FAM98B: variants seen among roughly 807,000 people sequenced by gnomAD.
The protein encoded by FAM98B is tRNA-splicing ligase complex subunit FAM98B.
A neutral mutation model predicts 43.9 loss-of-function variants in FAM98B; 32 were observed. The ratio of observed to expected loss-of-function variants is 0.73; its 90% CI spans 0.55 to 0.98. The LOEUF (loss-of-function observed/expected upper bound fraction) is 0.98. Ranked by LOEUF, FAM98B falls within the 50% of genes least tolerant of loss-of-function variation. The probability of loss-of-function intolerance (pLI) is 0.00; values close to 1 mark genes in which losing one functional copy is unlikely to be tolerated. For synonymous variants in FAM98B, 190 were observed against 174.0 expected (o/e 1.09, Z -0.72); for missense variants, 514 against 522.9 (o/e 0.98, Z 0.17).
intron 1 of FAM98B, among the ~76,000 whole-genome samples, chr15:38,456,331 G>A (rs1259485439): frequency 6.6e-6 from 1 of 152,206 alleles, no homozygotes; most frequent in African/African-American, 2.4e-5. Context: ...GTGAAAAACT[G>A]TTCCAGTCTA....
chr15:38,454,849 A>G (rs1814966885), intron 1 of FAM98B, among the ~76,000 whole-genome samples: 2 of 152,202 alleles, frequency 1.3e-5, no homozygotes, highest in Non-Finnish European at 1.5e-5. Flanking sequence ...CTTGGCTTAC[A>G]TAGTCGCGCA....
Position 38,470,501 on chromosome 15 carries a change from T to C in FAM98B, c.531+96T>C, listed in dbSNP as rs549718321. ...AACTATTCCCTATAATTATGAGGTA[T>C]ACATTTTATTTCAAGAGTTTATCTT... On this transcript the variant is annotated intron_variant, in intron 4 of 7. Coordinates refer to ENST00000397609, the MANE Select transcript of FAM98B (RefSeq NM_173611.4). 13 of 1,089,246 alleles carry C rather than the reference T, an allele frequency of 1.2e-5. No homozygotes were observed. The African/African-American group carries it at 1.3e-4, about 11-fold the overall frequency. 67.5% of individuals were successfully genotyped at this position (1,089,246 alleles called of 1,614,324 possible). A position where few individuals can be genotyped will look rare whatever the true frequency, so the allele number is the denominator to read the frequency against.
At chr15:38,454,312 C>T in intron 1 of FAM98B, 80 bp downstream of exon 1, 2 of 1,452,874 alleles carry the variant, frequency 1.4e-6, no homozygotes. Context: ...TCCCTTGGGC[C>T]TCTGTGGGCC....
At chr15:38,475,939 C>G (rs1204147393) in intron 6 of FAM98B, among the ~76,000 whole-genome samples, 1 of 152,070 alleles carries the variant, frequency 6.6e-6, no homozygotes, top group African/African-American at 2.4e-5. Context: ...TACTTTTTCT[C>G]TCAGAAACTT....
At chr15:38,457,089 A>G (rs1272037062) in intron 1 of FAM98B, among the ~76,000 whole-genome samples, 1 of 152,256 alleles carries the variant, frequency 6.6e-6, no homozygotes, top group Admixed American at 6.5e-5. Flanking sequence ...TGTGAAAGAA[A>G]TGATGGTTGC....
chr15:38,475,097 G>A (rs1029520248), intron 6 of FAM98B, among the ~76,000 whole-genome samples: 1 of 150,108 alleles, frequency 6.7e-6, no homozygotes, highest in Non-Finnish European at 1.5e-5. Flanking sequence ...TAACTGGGCA[G>A]TTCTTCTGCC....
At chr15:38,484,147 C>T (rs1403056567) in intron 7 of FAM98B, 108 bp from the exon 8 acceptor site, 2 of 964,076 alleles carry the variant, frequency 2.1e-6, no homozygotes, top group African/African-American at 3.4e-5. Context: ...CTGGTACTTT[C>T]ATGTCCTTAA....
chr15:38,481,101 T>C (rs1935205700), intron 6 of FAM98B, among the ~76,000 whole-genome samples, 191 bp from the exon 7 acceptor site: 1 of 152,230 alleles, frequency 6.6e-6, no homozygotes, highest in Non-Finnish European at 1.5e-5. Flanking sequence ...TTACATATTT[T>C]TAACACCTGT....
Position 38,484,464 on chromosome 15 carries a change from TGGGGGAGGGGGAGGAGGGTGG to T in FAM98B, c.1116_1136del (p.Trp376_Gly382del), listed in dbSNP as rs1282795479. On this transcript the variant is annotated inframe_deletion, in exon 8 of 8. Coordinates refer to ENST00000397609, the MANE Select transcript of FAM98B (RefSeq NM_173611.4). ...GTGGAGGAGGAGGTTGGGGAGGTGG[TGGGGGAGGGGGAGGAGGGTGG>T]GGGGGAGGAGGAGGAGGTGGTAGAG... is the stretch of plus-strand genomic sequence containing the variant. The T allele has an allele frequency of 1.3e-5, 3 of 239,350 alleles. No individual in the cohort carries two copies. Among genetic ancestry groups the T allele is most frequent in the South Asian group, 1.7e-4 (1 of 5,944 alleles). 14.8% of individuals were successfully genotyped at this position (239,350 alleles called of 1,614,324 possible). A position where few individuals can be genotyped will look rare whatever the true frequency, so the allele number is the denominator to read the frequency against.
intron 6 of FAM98B, among the ~76,000 whole-genome samples, chr15:38,479,219 C>G (rs577851992): frequency 6.6e-6 from 1 of 152,154 alleles, no homozygotes; most frequent in Non-Finnish European, 1.5e-5. Context: ...GCTCCCACTT[C>G]AGCCTCCCAA....
At chr15:38,476,434 TC>T (rs1446451491) in intron 6 of FAM98B, among the ~76,000 whole-genome samples, 1 of 152,044 alleles carries the variant, frequency 6.6e-6, no homozygotes, top group Non-Finnish European at 1.5e-5. Flanking sequence ...TATTACTTTT[TC>T]CCTTTTTTCT....
intron 1 of FAM98B, chr15:38,458,762 GC>G: frequency 2.7e-6 from 1 of 368,800 alleles, no homozygotes; most frequent in Non-Finnish European, 5.3e-6. Context: ...TAAGAGGCCT[GC>G]CCCTACCCAA....
chr15:38,479,278 AT>A (rs1454201617), intron 6 of FAM98B, among the ~76,000 whole-genome samples: 1 of 152,164 alleles, frequency 6.6e-6, no homozygotes, highest in East Asian at 1.9e-4. Context: ...AAAATATACC[AT>A]TTTAAAGTGT....
intron 3 of FAM98B, among the ~76,000 whole-genome samples, chr15:38,465,740 ACT>A (rs1161700071): frequency 6.6e-6 from 1 of 151,654 alleles, no homozygotes; most frequent in East Asian, 1.9e-4. Context: ...TAATCTAAAA[ACT>A]CTCTGAAACT....
At position 38,464,035 on chromosome 15, in the gene FAM98B, T is replaced by A; in HGVS notation, c.75T>A (p.Tyr25Ter). ...DVLDTLEALG[Y>*]KGPLLEEQAL... ...ACTTGTATTTCTTCCTTTCTAGGTA[T>A]AAAGGACCATTGTTAGAAGAGCAAG... The change falls in exon 2 of 8, where the codon TAT becomes TAA. Residue 25 changes from tyrosine to a stop codon, truncating the protein, a stop_gained. Transcript: ENST00000397609. LOFTEE classifies it high-confidence loss of function. 6.2e-7 allele frequency: 1 copy of A among 1,606,994 alleles called. No homozygotes were observed. The highest frequency in any genetic ancestry group is 8.5e-7 in the Non-Finnish European group (1 of 1,176,726).
chr15:38,465,502 A>G, intron 3 of FAM98B, 99 bp downstream of exon 3: 1 of 1,133,946 alleles, frequency 8.8e-7, no homozygotes, highest in Non-Finnish European at 1.2e-6. Context: ...TTGTATATTA[A>G]AAGGGTTTTA....
chr15:38,474,888 G>A (rs968808178), intron 6 of FAM98B, among the ~76,000 whole-genome samples: 1 of 152,112 alleles, frequency 6.6e-6, no homozygotes, highest in African/African-American at 2.4e-5. Context: ...AGTAAGCTGA[G>A]ATAATTATAG....
At chr15:38,473,349 CTG>C (rs893405204) in intron 4 of FAM98B, among the ~76,000 whole-genome samples, 154 bp from the exon 5 acceptor site, 14 of 152,026 alleles carry the variant, frequency 9.2e-5, no homozygotes, top group African/African-American at 3.4e-4. Flanking sequence ...AAAAGATACT[CTG>C]TATTGTAGTG....
rs139135364 is a variant in FAM98B, at chr15:38,468,410, T to C, written c.353-1817T>C. On this transcript the variant is annotated intron_variant, in intron 3 of 7. Coordinates refer to ENST00000397609, the MANE Select transcript of FAM98B (RefSeq NM_173611.4). The stretch of plus-strand genomic sequence containing the variant: ...TAGCAAATTTTTAAAAAATATTTTG[T>C]AAAGATGGGTCTGTGTTGCCCAGGT... Among the ~76,000 whole-genome samples, 271 of 152,074 alleles carry C rather than the reference T, an allele frequency of 1.8e-3. 1 individual carries two copies. Among genetic ancestry groups the C allele is most frequent in the African/African-American group, 6.1e-3 (255 of 41,498 alleles).
Sources: allele counts gnomAD v4.1 joint callset (sites outside exome capture counted in the v4.1 genomes callset), GRCh38; gene constraint gnomAD v4.1.1; transcripts MANE v1.5; gene names NCBI Gene and HGNC (gene_info 2026-07-23, HGNC 2026-07-21).